TMEM182: variants seen among roughly 807,000 people sequenced by gnomAD.
TMEM182 encodes transmembrane protein 182.
Under a neutral mutation model 26.8 loss-of-function variants are expected in TMEM182, and 20 were observed. That is an observed-to-expected ratio of 0.75 (90% CI 0.53 to 1.09). The LOEUF (loss-of-function observed/expected upper bound fraction) is 1.09, where lower values mean the gene tolerates loss of function less well. TMEM182 is among the 50% of genes least tolerant of loss of function. The pLI, the probability that TMEM182 is intolerant of heterozygous loss-of-function variation, is 0.00. For missense variants in TMEM182, 277 were observed against 275.5 expected (o/e 1.01, Z -0.04); for synonymous variants, 109 against 102.2 (o/e 1.07, Z -0.40).
chr2:102,832,786 C>T (rs1683176973), intron 3 of TMEM182, among the ~76,000 whole-genome samples: 2 of 152,198 alleles, frequency 1.3e-5, no homozygotes, highest in South Asian at 4.2e-4. Flanking sequence ...ACCACACACA[C>T]ACTCAAGAAT....
At chr2:102,752,458 G>A (rs1247704374) in intron 1 of TMEM182, among the ~76,000 whole-genome samples, 1 of 152,212 alleles carries the variant, frequency 6.6e-6, no homozygotes, top group Non-Finnish European at 1.5e-5. Flanking sequence ...AGAACGTGAG[G>A]AGAGAGCTGT....
chr2:102,770,238 G>A (rs763250093), intron 3 of TMEM182, among the ~76,000 whole-genome samples: 3 of 152,160 alleles, frequency 2.0e-5, no homozygotes, highest in Non-Finnish European at 2.9e-5. Flanking sequence ...AATGTCAAAC[G>A]CAGAATGAAT....
chr2:102,772,135 C>T (rs12465996), intron 3 of TMEM182, among the ~76,000 whole-genome samples: 11,187 of 152,174 alleles, frequency 0.074, 645 homozygotes, highest in Admixed American at 0.091. Context: ...ATTCAAACCC[C>T]GAAGGAGAAA....
At chr2:102,820,541 G>T (rs1449980450), downstream of TMEM182, among the ~76,000 whole-genome samples, 2 of 152,134 alleles carry the variant, frequency 1.3e-5, no homozygotes, top group South Asian at 2.1e-4. Context: ...GATAATAAGA[G>T]AAATTCTTTC....
intron 1 of TMEM182, among the ~76,000 whole-genome samples, chr2:102,752,320 T>C (rs1446725324): frequency 6.6e-6 from 1 of 152,254 alleles, no homozygotes; most frequent in Non-Finnish European, 1.5e-5. Context: ...GTTACTTTGT[T>C]ACCTTTGACA....
At chr2:102,799,994 C>T (rs1682047892) in intron 4 of TMEM182, among the ~76,000 whole-genome samples, 1 of 151,974 alleles carries the variant, frequency 6.6e-6, no homozygotes, top group Non-Finnish European at 1.5e-5. Flanking sequence ...AGTTTTGTTT[C>T]CTGAGCCCCA....
chr2:102,824,298 ATTGT>A (rs1682986520), intron 3 of TMEM182, among the ~76,000 whole-genome samples: 1 of 152,084 alleles, frequency 6.6e-6, no homozygotes, highest in Non-Finnish European at 1.5e-5. Flanking sequence ...GTCCTCAGTG[ATTGT>A]TTGTGGAGAG....
At chr2:102,741,811 G>A (rs1679553017) in intron 1 of TMEM182, among the ~76,000 whole-genome samples, 1 of 152,128 alleles carries the variant, frequency 6.6e-6, no homozygotes, top group Admixed American at 6.5e-5. Flanking sequence ...GGCAAGAGGG[G>A]AGAAAACACA....
intron 3 of TMEM182, among the ~76,000 whole-genome samples, chr2:102,840,984 GTCT>G (rs1296547314): frequency 2.0e-5 from 3 of 152,122 alleles, no homozygotes; most frequent in Non-Finnish European, 4.4e-5. Context: ...TGCGGAAGTC[GTCT>G]TCTTCTCAGT....
rs75342033 is a variant in TMEM182, at chr2:102,826,082, A to T, written c.326-17330A>T. Among the ~76,000 whole-genome samples the T allele has an allele frequency of 8.5e-3, 1,292 of 152,294 alleles. 20 individuals are homozygous for T. The highest frequency in any genetic ancestry group is 0.03 in the African/African-American group (1,243 of 41,542). On this transcript the variant is annotated intron_variant, in intron 3 of 3. Transcript: ENST00000486293. ...TAAATTCTCCACTGGCCACTCACTG[A>T]GATTTAGTGCTTGGGCTTGAACCAT...
intron 3 of TMEM182, among the ~76,000 whole-genome samples, chr2:102,834,817 G>A (rs1023772077): frequency 6.6e-6 from 1 of 152,104 alleles, no homozygotes; most frequent in Non-Finnish European, 1.5e-5. Context: ...AGCATCCTTC[G>A]TTAATCACTC....
chr2:102,784,471 C>A lies in TMEM182; in HGVS notation c.332-13392C>A, dbSNP rs536923241. ...ACTGAAGCTCCATGTGGACAAACAGCCAATGTTAAGTTAGTCAGTGATTTT... is the reference window on the plus strand; with the variant it reads ...ACTGAAGCTCCATGTGGACAAACAGACAATGTTAAGTTAGTCAGTGATTTT... On this transcript the variant is annotated intron_variant, in intron 3 of 4. Transcript: ENST00000412401. 2.6e-5 allele frequency among the ~76,000 whole-genome samples: 4 copies of A among 151,938 alleles called. No homozygotes were observed. The South Asian group carries it at 8.3e-4, about 32-fold the overall frequency.
chr2:102,757,217 T>C (rs1680068657), upstream of TMEM182, among the ~76,000 whole-genome samples: 1 of 152,176 alleles, frequency 6.6e-6, no homozygotes, highest in Admixed American at 6.5e-5. Context: ...GGACAATCAC[T>C]CCACAGTCCC....
At chr2:102,772,563 T>G (rs1049871106) in intron 3 of TMEM182, among the ~76,000 whole-genome samples, 2 of 152,100 alleles carry the variant, frequency 1.3e-5, no homozygotes, top group African/African-American at 2.4e-5. Context: ...GGGGACTAGA[T>G]AGATGCTGTA....
At chr2:102,782,570 C>G (rs1681217949) in intron 3 of TMEM182, among the ~76,000 whole-genome samples, 1 of 152,076 alleles carries the variant, frequency 6.6e-6, no homozygotes. Context: ...AGTAGTACAT[C>G]AGGACTACTT....
At position 102,762,581 on chromosome 2, in the gene TMEM182, G is replaced by T; in HGVS notation, c.133-6G>T. 1 of 1,612,576 alleles carries T rather than the reference G, an allele frequency of 6.2e-7. No individual in the cohort carries two copies. Among genetic ancestry groups the T allele is most frequent in the Non-Finnish European group, 8.5e-7 (1 of 1,179,306 alleles). On this transcript the variant is annotated splice_region_variant and splice_polypyrimidine_tract_variant and intron_variant, in intron 1 of 4. Coordinates refer to ENST00000412401, the MANE Select transcript of TMEM182 (RefSeq NM_144632.5). ...ATGGCAAGTTACTTCATTTTGTTCT[G>T]TGCAGATAGAGAACGTCACTTTTCA...
At chr2:102,799,311 A>G (rs1445172559) in intron 4 of TMEM182, among the ~76,000 whole-genome samples, 1 of 152,224 alleles carries the variant, frequency 6.6e-6, no homozygotes, top group African/African-American at 2.4e-5. Context: ...GTAACACAAT[A>G]CTTTCTGCAT....
intron 3 of TMEM182, among the ~76,000 whole-genome samples, chr2:102,768,890 C>T (rs986000565): frequency 2.0e-5 from 3 of 151,684 alleles, no homozygotes; most frequent in Admixed American, 6.6e-5. Flanking sequence ...AGGGAGGCAG[C>T]GAGGCAAGAT....
intron 1 of TMEM182, among the ~76,000 whole-genome samples, chr2:102,757,011 C>T (rs1156557841): frequency 1.3e-5 from 2 of 152,080 alleles, no homozygotes; most frequent in Non-Finnish European, 2.9e-5. Flanking sequence ...TGAGTTTCAC[C>T]ATCTTGGCCA....
Sources: allele counts gnomAD v4.1 joint callset (sites outside exome capture counted in the v4.1 genomes callset), GRCh38; gene constraint gnomAD v4.1.1; transcripts MANE v1.5; gene names NCBI Gene and HGNC (gene_info 2026-07-23, HGNC 2026-07-21).